The following CDH18 variants were observed in gnomAD, a reference collection of about 807,000 sequenced individuals.
CDH18 encodes cadherin-18.
CDH18 carries 31 observed loss-of-function variants against 67.9 expected under a neutral mutation model. The observed-to-expected ratio is 0.46, with a 90% CI of 0.34 to 0.62. CDH18 has a LOEUF of 0.62. Ranked by LOEUF, CDH18 falls within the 20% of genes least tolerant of loss-of-function variation. The pLI is 0.01. For missense variants in CDH18, 890 were observed against 975.5 expected, an observed-to-expected ratio of 0.91 and a Z score of 1.17; for synonymous variants, 362 against 347.2, an observed-to-expected ratio of 1.04 and a Z score of -0.48.
intron 1 of CDH18, among the ~76,000 whole-genome samples, chr5:20,428,443 C>T (rs1160233681): frequency 1.3e-5 from 2 of 152,130 alleles, no homozygotes; most frequent in Non-Finnish European, 2.9e-5. Context: ...GATTTATAAA[C>T]CTTTGGGTAT....
At chr5:20,081,014 G>T (rs951363727) in intron 2 of CDH18, among the ~76,000 whole-genome samples, 14 of 151,846 alleles carry the variant, frequency 9.2e-5, no homozygotes, top group Non-Finnish European at 1.9e-4. Context: ...TTTTAAAAAA[G>T]ATTTTTTATT....
chr5:20,526,029 T>G (rs574174224), intron 1 of CDH18, among the ~76,000 whole-genome samples: 2 of 151,418 alleles, frequency 1.3e-5, no homozygotes, highest in Non-Finnish European at 2.9e-5. Context: ...GCAGCTCTAG[T>G]CAGTAGTTTT....
intron 1 of CDH18, among the ~76,000 whole-genome samples, chr5:20,262,148 G>T (rs930527350): frequency 6.6e-6 from 1 of 152,192 alleles, no homozygotes; most frequent in African/African-American, 2.4e-5. Flanking sequence ...GGGGTCATTT[G>T]TAAGCCAATT....
At chr5:20,450,534 A>C (rs1173143902) in intron 1 of CDH18, among the ~76,000 whole-genome samples, 2 of 152,200 alleles carry the variant, frequency 1.3e-5, no homozygotes, top group African/African-American at 4.8e-5. Context: ...AAAATAAAAG[A>C]AAACCAAATA....
intron 1 of CDH18, among the ~76,000 whole-genome samples, chr5:20,393,633 T>C (rs1745045081): frequency 6.6e-6 from 1 of 151,898 alleles, no homozygotes; most frequent in Non-Finnish European, 1.5e-5. Flanking sequence ...CTAATGACTC[T>C]TCCAAAAGAC....
chr5:20,504,478 T>C (rs1355652607), intron 1 of CDH18, among the ~76,000 whole-genome samples: 2 of 152,180 alleles, frequency 1.3e-5, no homozygotes, highest in Non-Finnish European at 2.9e-5. Context: ...GTATTCGCCT[T>C]GAATAAAAGT....
intron 5 of CDH18, among the ~76,000 whole-genome samples, chr5:19,651,319 A>T (rs562262515): frequency 6.6e-6 from 1 of 152,190 alleles, no homozygotes; most frequent in Admixed American, 6.5e-5. Context: ...GCTAGAAAAA[A>T]ATCTCTGGAT....
intron 5 of CDH18, among the ~76,000 whole-genome samples, chr5:19,689,169 G>T (rs2150414352): frequency 6.6e-6 from 1 of 152,172 alleles, no homozygotes; most frequent in Admixed American, 6.5e-5. Context: ...TCCAGAAGTA[G>T]TAAACTTAGA....
chr5:20,305,519 C>CGCGCA, intron 1 of CDH18: 1 of 946,496 alleles, frequency 1.1e-6, no homozygotes, highest in Non-Finnish European at 1.7e-6. Flanking sequence ...CGGGGCGCAG[C>CGCGCA]GGCGCAGGGG....
At chr5:20,013,464 A>C (rs1490577631) in intron 2 of CDH18, among the ~76,000 whole-genome samples, 1 of 152,122 alleles carries the variant, frequency 6.6e-6, no homozygotes, top group Non-Finnish European at 1.5e-5. Flanking sequence ...ATGACTAACC[A>C]GCTTAGAATG....
At chr5:20,320,921 C>A (rs1353415504) in intron 1 of CDH18, among the ~76,000 whole-genome samples, 1 of 152,074 alleles carries the variant, frequency 6.6e-6, no homozygotes, top group Admixed American at 6.6e-5. Context: ...CCTGGGAAAC[C>A]TATTGTAGCT....
At chr5:19,842,727 G>A (rs1036293613) in intron 2 of CDH18, among the ~76,000 whole-genome samples, 2 of 152,152 alleles carry the variant, frequency 1.3e-5, no homozygotes, top group Non-Finnish European at 2.9e-5. Context: ...GGAGGGCTCA[G>A]AAGAAAATAG....
intron 1 of CDH18, among the ~76,000 whole-genome samples, chr5:20,500,581 C>A (rs528106829): frequency 1.3e-5 from 2 of 152,224 alleles, no homozygotes; most frequent in African/African-American, 4.8e-5. Context: ...ATCAAAAGAA[C>A]TGTGAGGCTT....
chr5:20,568,741 G>C (rs1758651322), intron 1 of CDH18, among the ~76,000 whole-genome samples: 1 of 152,092 alleles, frequency 6.6e-6, no homozygotes, highest in Admixed American at 6.6e-5. Flanking sequence ...TAAACATCTT[G>C]AGAAACTGGT....
intron 2 of CDH18, among the ~76,000 whole-genome samples, chr5:20,090,551 AAAAC>A (rs909693663): frequency 6.6e-5 from 10 of 151,994 alleles, no homozygotes; most frequent in African/African-American, 2.2e-4. Flanking sequence ...CAAAGACCAA[AAAAC>A]AAACAAACAA....
intron 1 of CDH18, among the ~76,000 whole-genome samples, chr5:20,498,001 T>C (rs1048726923): frequency 6.6e-6 from 1 of 152,084 alleles, no homozygotes. Flanking sequence ...ACAACACAGA[T>C]AGAAGGTATT....
chr5:20,488,673 T>TTTTTTATATATA (rs1435006497), intron 1 of CDH18, among the ~76,000 whole-genome samples: 1 of 126,978 alleles, frequency 7.9e-6, no homozygotes, highest in Non-Finnish European at 1.7e-5. Context: ...GGGTAGTGTT[T>TTTTTTATATATA]TATATATATA....
rs1773357784 is a variant in CDH18 at position 19,768,510 on chromosome 5, A to C, written c.229-21274T>G. Reference sequence around the variant, plus strand: ...CTTTGCAAGCAGAAATGTATGACAAAGGTGGAGTTGTAAACTTTCCAGCTG... The same window carrying C: ...CTTTGCAAGCAGAAATGTATGACAACGGTGGAGTTGTAAACTTTCCAGCTG... On this transcript the variant is annotated intron_variant, in intron 3 of 12. Transcript: ENST00000382275. Among the ~76,000 whole-genome samples the C allele has an allele frequency of 5.9e-5, 9 of 152,252 alleles. No homozygotes were observed. In the South Asian group the frequency reaches 1.7e-3, roughly 28 times the overall value.
intron 1 of CDH18, among the ~76,000 whole-genome samples, chr5:20,517,382 G>A (rs999170269): frequency 4.0e-5 from 6 of 151,570 alleles, no homozygotes; most frequent in Middle Eastern, 4.2e-3. Context: ...AAAGACAGAT[G>A]TTATGACAAA....
Sources: allele counts gnomAD v4.1 joint callset (sites outside exome capture counted in the v4.1 genomes callset), GRCh38; gene constraint gnomAD v4.1.1; transcripts MANE v1.5; gene names NCBI Gene and HGNC (gene_info 2026-07-23, HGNC 2026-07-21).